KCNMB2: variants seen among roughly 807,000 people sequenced by gnomAD.
The protein encoded by KCNMB2 is calcium-activated potassium channel subunit beta-2.
KCNMB2 carries 9 observed loss-of-function variants against 24.5 expected under a neutral mutation model. The ratio of observed to expected loss-of-function variants is 0.37; its 90% CI spans 0.22 to 0.64. The LOEUF (loss-of-function observed/expected upper bound fraction) is 0.64. Ranked by LOEUF, KCNMB2 falls within the 30% of genes least tolerant of loss-of-function variation. The pLI is 0.63. For missense variants in KCNMB2, 226 were observed against 284.3 expected (o/e 0.79, Z 1.47); for synonymous variants, 109 against 104.4 (o/e 1.04, Z -0.27).
intron 1 of KCNMB2, among the ~76,000 whole-genome samples, chr3:178,683,391 G>A (rs6775226): frequency 0.36 from 54,359 of 151,368 alleles, 9,939 homozygotes; most frequent in Middle Eastern, 0.51. Context: ...CAGTACCTAT[G>A]TGACAGGATC....
At chr3:178,672,991 C>T (rs1448557681) in intron 1 of KCNMB2, among the ~76,000 whole-genome samples, 1 of 151,898 alleles carries the variant, frequency 6.6e-6, no homozygotes, top group Non-Finnish European at 1.5e-5. Context: ...TTACCAAAAA[C>T]CATTGATGGC....
At chr3:178,720,236 T>A (rs1365646702) in intron 1 of KCNMB2, among the ~76,000 whole-genome samples, 2 of 151,736 alleles carry the variant, frequency 1.3e-5, no homozygotes, top group Non-Finnish European at 2.9e-5. Context: ...CAGTGTTTGG[T>A]TTTTTGTCCT....
chr3:178,722,563 TGA>T (rs1337923184), intron 1 of KCNMB2, among the ~76,000 whole-genome samples: 1 of 152,122 alleles, frequency 6.6e-6, no homozygotes, highest in African/African-American at 2.4e-5. Flanking sequence ...AATCTATTCA[TGA>T]GAATTCTGCC....
intron 1 of KCNMB2, among the ~76,000 whole-genome samples, chr3:178,562,480 A>G (rs1716357987): frequency 6.6e-6 from 1 of 152,186 alleles, no homozygotes; most frequent in African/African-American, 2.4e-5. Flanking sequence ...AAGACCCAAG[A>G]GCTATAAGGC....
At chr3:178,669,882 G>A (rs1026224954) in intron 1 of KCNMB2, among the ~76,000 whole-genome samples, 4 of 152,066 alleles carry the variant, frequency 2.6e-5, no homozygotes, top group Admixed American at 2.0e-4. Context: ...ACAGTGGGTA[G>A]AATGTGAAGC....
At chr3:178,681,990 T>C (rs1399576231) in intron 1 of KCNMB2, among the ~76,000 whole-genome samples, 2 of 152,138 alleles carry the variant, frequency 1.3e-5, no homozygotes, top group Admixed American at 6.5e-5. Flanking sequence ...TGTTTAAATA[T>C]CTTCTTTCTT....
chr3:178,547,605 T>G (rs1456148467), intron 1 of KCNMB2, among the ~76,000 whole-genome samples: 1 of 152,174 alleles, frequency 6.6e-6, no homozygotes, highest in Admixed American at 6.5e-5. Context: ...ATCCTCTCTT[T>G]ACTTGACTTG....
At position 178,631,385 on chromosome 3, in the gene KCNMB2, G is replaced by C. The variant is rs546477566; in HGVS notation, c.-68+94674G>C. 5.9e-4 allele frequency among the ~76,000 whole-genome samples: 90 copies of C among 152,300 alleles called. 1 individual carries two copies. The highest frequency in any genetic ancestry group is 1.9e-3 in the African/African-American group (80 of 41,568). The stretch of plus-strand genomic sequence containing the variant: ...TAACAGCTACATTGAGACTGAAAAG[G>C]CTAGGGGACCCAAGCCACATAGCTA... On this transcript the variant is annotated intron_variant, in intron 1 of 4. Transcript: ENST00000452583.
intron 1 of KCNMB2, among the ~76,000 whole-genome samples, chr3:178,607,445 C>T (rs1002581229): frequency 2.6e-5 from 4 of 152,124 alleles, no homozygotes; most frequent in African/African-American, 9.7e-5. Flanking sequence ...ATTACAACAA[C>T]CTGTTAACTT....
At chr3:178,685,949 C>A (rs918016184) in intron 1 of KCNMB2, among the ~76,000 whole-genome samples, 3 of 152,164 alleles carry the variant, frequency 2.0e-5, no homozygotes, top group African/African-American at 7.2e-5. Context: ...CAGGAAAAAG[C>A]ACTGACTACC....
At chr3:178,817,218 T>TATATATATATATATACATATATATATAC (rs147866886) in intron 2 of KCNMB2, among the ~76,000 whole-genome samples, 3 of 134,924 alleles carry the variant, frequency 2.2e-5, no homozygotes, top group African/African-American at 1.0e-4. Flanking sequence ...GTTAATGACA[T>TATATATATATATATACATATATATATAC]ATATATATAA....
intron 1 of KCNMB2, among the ~76,000 whole-genome samples, chr3:178,721,458 G>T (rs1722802971): frequency 6.6e-6 from 1 of 152,104 alleles, no homozygotes; most frequent in Non-Finnish European, 1.5e-5. Flanking sequence ...ATAGGACAGT[G>T]GTTTATCCAT....
chr3:178,785,396 CAAT>C (rs1320188266), intron 1 of KCNMB2, among the ~76,000 whole-genome samples: 1 of 151,684 alleles, frequency 6.6e-6, no homozygotes, highest in Admixed American at 6.6e-5. Flanking sequence ...ACAGTAATAA[CAAT>C]AATTGATAAT....
rs1472960275 is a variant in KCNMB2, at chr3:178,789,576, GA to G, written c.-67-17762del. 6.6e-5 allele frequency among the ~76,000 whole-genome samples: 10 copies of G among 152,316 alleles called. No homozygotes were observed. In the East Asian group the frequency reaches 1.9e-3, roughly 29 times the overall value. ...CCCCTGGCAGAAGCTGCATGGCACA[GA>G]AAAAGAATCTGTGTGCTTGGAGAAG... On this transcript the variant is annotated intron_variant, in intron 1 of 4. Coordinates refer to ENST00000452583, the MANE Select transcript of KCNMB2 (RefSeq NM_181361.3).
chr3:178,714,529 G>A (rs941526446), intron 1 of KCNMB2, among the ~76,000 whole-genome samples: 7 of 152,216 alleles, frequency 4.6e-5, no homozygotes, highest in Non-Finnish European at 1.0e-4. Context: ...TTGGAAGGGA[G>A]AAGAGCATGT....
Position 178,752,941 on chromosome 3 carries a change from A to G in KCNMB2, c.-67-54402A>G, listed in dbSNP as rs1723900200. 2.6e-5 allele frequency among the ~76,000 whole-genome samples: 4 copies of G among 152,332 alleles called. No individual in the cohort carries two copies. The South Asian group carries it at 8.3e-4, about 32-fold the overall frequency. On this transcript the variant is annotated intron_variant, in intron 1 of 4. Transcript: ENST00000452583. ...CTGTGGGTTGGGGCTAGTAATCAGA[A>G]TTCACCCAGAATTAGCCGAAATACT...
intron 1 of KCNMB2, among the ~76,000 whole-genome samples, chr3:178,686,382 T>C (rs1721473465): frequency 6.6e-6 from 1 of 152,212 alleles, no homozygotes; most frequent in South Asian, 2.1e-4. Context: ...AAAAGTGATC[T>C]ATTGGTAATA....
At chr3:178,611,377 G>A (rs1049494281) in intron 1 of KCNMB2, among the ~76,000 whole-genome samples, 4 of 151,726 alleles carry the variant, frequency 2.6e-5, no homozygotes, top group South Asian at 2.1e-4. Context: ...TAGTTTGTCC[G>A]GCTAAAGGTT....
At chr3:178,686,465 G>A (rs992727368) in intron 1 of KCNMB2, among the ~76,000 whole-genome samples, 4 of 152,198 alleles carry the variant, frequency 2.6e-5, no homozygotes, top group East Asian at 1.9e-4. Context: ...AGGTAAAGAC[G>A]TTCTTTTCTT....
Sources: allele counts gnomAD v4.1 joint callset (sites outside exome capture counted in the v4.1 genomes callset), GRCh38; gene constraint gnomAD v4.1.1; transcripts MANE v1.5; gene names NCBI Gene and HGNC (gene_info 2026-07-23, HGNC 2026-07-21).